The following ZBTB20 variants were observed in gnomAD, a reference collection of about 807,000 sequenced individuals.
The protein encoded by ZBTB20 is zinc finger and BTB domain-containing protein 20.
ZBTB20 carries 9 observed loss-of-function variants against 56.9 expected under a neutral mutation model. The ratio of observed to expected loss-of-function variants is 0.16; its 90% confidence interval spans 0.10 to 0.28. ZBTB20 has a LOEUF of 0.28. ZBTB20 is among the 10% of genes least tolerant of loss of function. The pLI is 1.00. For missense variants in ZBTB20, 655 were observed against 1,003.0 expected, an observed-to-expected ratio of 0.65 and a Z score of 4.69; for synonymous variants, 417 against 420.7, an observed-to-expected ratio of 0.99 and a Z score of 0.11.
intron 11 of ZBTB20, among the ~76,000 whole-genome samples, chr3:114,341,569 C>T (rs1423137823): frequency 2.6e-5 from 4 of 152,264 alleles, no homozygotes; most frequent in East Asian, 3.9e-4. Context: ...TGTTTTTCCT[C>T]GAGGCAAGGT....
At chr3:114,849,908 T>TC (rs888895078) in intron 4 of ZBTB20, among the ~76,000 whole-genome samples, 3 of 148,596 alleles carry the variant, frequency 2.0e-5, no homozygotes, top group African/African-American at 2.5e-5. Context: ...CTTTTTTTTT[T>TC]TTTTTTTTTG....
At chr3:114,765,540 C>T (rs1337367569) in intron 5 of ZBTB20, among the ~76,000 whole-genome samples, 1 of 152,116 alleles carries the variant, frequency 6.6e-6, no homozygotes, top group African/African-American at 2.4e-5. Flanking sequence ...GGAACCATCC[C>T]TTCTAATAGC....
Position 114,326,608 on chromosome 3 carries a change from T to C in ZBTB20, c.*12397A>G, listed in dbSNP as rs1340827378. 1 of 150,894 alleles carries C rather than the reference T, an allele frequency of 6.6e-6. No individual in the cohort carries two copies. The highest frequency in any genetic ancestry group is 1.5e-5 in the Non-Finnish European group (1 of 67,734). 9.3% of individuals were successfully genotyped at this position (150,894 alleles called of 1,614,324 possible). On this transcript the variant is annotated 3_prime_UTR_variant, in exon 12 of 12. Transcript: ENST00000675478. ...ATTAAGAAATAAAAATCCTTTACTA[T>C]CTTGAGAAGAAAGAAAGGGAAACAA...
chr3:114,438,425 A>AC (rs1553712921), intron 7 of ZBTB20, among the ~76,000 whole-genome samples: 18 of 115,790 alleles, frequency 1.6e-4, no homozygotes, highest in South Asian at 3.1e-4. Flanking sequence ...CCAAAAAAAA[A>AC]CAAAAAAAAC....
At chr3:114,492,313 T>A (rs2042837780) in intron 7 of ZBTB20, among the ~76,000 whole-genome samples, 1 of 152,234 alleles carries the variant, frequency 6.6e-6, no homozygotes, top group African/African-American at 2.4e-5. Context: ...TGCAATATGC[T>A]CACTATGTAT....
chr3:114,721,245 G>C (rs541872325), intron 5 of ZBTB20, among the ~76,000 whole-genome samples: 1 of 152,268 alleles, frequency 6.6e-6, no homozygotes, highest in African/African-American at 2.4e-5. Context: ...CATGGTCACA[G>C]TGATATTCTA....
At chr3:114,494,833 A>G (rs963227371) in intron 7 of ZBTB20, among the ~76,000 whole-genome samples, 1 of 152,234 alleles carries the variant, frequency 6.6e-6, no homozygotes, top group Non-Finnish European at 1.5e-5. Flanking sequence ...TTCCCTAGCT[A>G]TCAGTTCTTT....
chr3:114,437,349 T>G (rs1021321945), intron 7 of ZBTB20, among the ~76,000 whole-genome samples: 13 of 152,184 alleles, frequency 8.5e-5, no homozygotes, highest in Non-Finnish European at 1.5e-4. Context: ...GTCAGCAAAC[T>G]ACAGCCTACT....
chr3:114,565,265 T>A (rs1577599895), intron 6 of ZBTB20, among the ~76,000 whole-genome samples: 1 of 152,284 alleles, frequency 6.6e-6, no homozygotes, highest in African/African-American at 2.4e-5. Context: ...AAAAACAAAC[T>A]TTAATTGTGT....
At chr3:114,749,129 C>G (rs960096218) in intron 5 of ZBTB20, among the ~76,000 whole-genome samples, 1 of 152,078 alleles carries the variant, frequency 6.6e-6, no homozygotes, top group Non-Finnish European at 1.5e-5. Flanking sequence ...CCTCCAAAAC[C>G]AAAGGGAAAA....
In ZBTB20 at chr3:114,888,327, T is replaced by G. The variant is rs573070035; in HGVS notation, c.-417+11977A>C. On this transcript the variant is annotated intron_variant, in intron 4 of 11. Coordinates refer to ENST00000675478, the MANE Select transcript of ZBTB20 (RefSeq NM_001348800.3). ...AGTCCCAGCTACTGGGAAGCTGAGA[T>G]GGGAGGACTGCCTGGGAGGTTGAGA... is the stretch of plus-strand genomic sequence containing the variant. Among the ~76,000 whole-genome samples, 8 of 152,076 alleles carry G rather than the reference T, an allele frequency of 5.3e-5. No individual in the cohort carries two copies. The South Asian group carries it at 8.3e-4, about 16-fold the overall frequency.
rs530851393 is a variant in ZBTB20 at position 114,657,552 on chromosome 3, G to A, written c.-295+35976C>T. 4.6e-5 allele frequency among the ~76,000 whole-genome samples: 7 copies of A among 152,262 alleles called. No individual in the cohort carries two copies. The East Asian group carries it at 7.7e-4, about 17-fold the overall frequency. ...TGTAGATTCATGGGAGCCTTCCCTC[G>A]ATGGCTCCATCCTTTCTAATACTTC... On this transcript the variant is annotated intron_variant, in intron 6 of 11. Coordinates refer to ENST00000675478, the MANE Select transcript of ZBTB20 (RefSeq NM_001348800.3).
intron 3 of ZBTB20, among the ~76,000 whole-genome samples, chr3:114,951,521 C>T (rs1051458577): frequency 1.3e-5 from 2 of 152,030 alleles, no homozygotes; most frequent in Non-Finnish European, 2.9e-5. Flanking sequence ...ACAGATAGAC[C>T]AATGTCTACA....
At chr3:114,908,247 G>T (rs1270602544) in intron 3 of ZBTB20, among the ~76,000 whole-genome samples, 4 of 151,844 alleles carry the variant, frequency 2.6e-5, no homozygotes, top group Non-Finnish European at 5.9e-5. Flanking sequence ...AAATATAAAG[G>T]TCCTATAGAA....
chr3:114,864,926 A>C (rs1349458166), intron 4 of ZBTB20, among the ~76,000 whole-genome samples: 1 of 152,072 alleles, frequency 6.6e-6, no homozygotes, highest in Non-Finnish European at 1.5e-5. Flanking sequence ...GGCTGCCCTT[A>C]ATATTAATTT....
rs190894766 is a variant in ZBTB20, at chr3:114,843,596, T to C, written c.-416-42422A>G. Among the ~76,000 whole-genome samples the C allele has an allele frequency of 1.5e-3, 228 of 152,296 alleles. 1 individual carries two copies. The highest frequency in any genetic ancestry group is 3.6e-3 in the Admixed American group (55 of 15,292). Reference sequence around the variant, plus strand: ...GTTGCCCAGGTTGGCCTCAAATTCCTGGCCTCAAGTGATCCTCCCACCTCA... The same window carrying C: ...GTTGCCCAGGTTGGCCTCAAATTCCCGGCCTCAAGTGATCCTCCCACCTCA... On this transcript the variant is annotated intron_variant, in intron 4 of 11. Transcript: ENST00000675478.
chr3:114,956,594 G>A (rs1358812691), intron 3 of ZBTB20, among the ~76,000 whole-genome samples: 3 of 152,098 alleles, frequency 2.0e-5, no homozygotes, highest in Non-Finnish European at 2.9e-5. Context: ...GAAAATTAAG[G>A]TATAATGGCA....
At chr3:115,013,621 TA>T (rs890235740) in intron 2 of ZBTB20, among the ~76,000 whole-genome samples, 2 of 151,708 alleles carry the variant, frequency 1.3e-5, no homozygotes, top group African/African-American at 4.8e-5. Context: ...CACCCAATCC[TA>T]CTCAAATACT....
chr3:114,830,463 A>G (rs989960233), intron 4 of ZBTB20, among the ~76,000 whole-genome samples: 1 of 151,938 alleles, frequency 6.6e-6, no homozygotes, highest in Non-Finnish European at 1.5e-5. Context: ...TTCCTTTCCC[A>G]AATAAGAGAA....
Sources: allele counts gnomAD v4.1 joint callset (sites outside exome capture counted in the v4.1 genomes callset), GRCh38; gene constraint gnomAD v4.1.1; transcripts MANE v1.5; gene names NCBI Gene and HGNC (gene_info 2026-07-23, HGNC 2026-07-21).